MED27: variants seen among roughly 807,000 people sequenced by gnomAD.
MED27 encodes the protein mediator complex subunit 27.
Under a neutral mutation model 38.2 loss-of-function variants are expected in MED27, and 30 were observed. That is an observed-to-expected ratio of 0.79 (90% CI 0.59 to 1.07). The LOEUF (loss-of-function observed/expected upper bound fraction) is 1.07. Ranked by LOEUF, MED27 falls within the 50% of genes least tolerant of loss-of-function variation. The probability of loss-of-function intolerance (pLI) is 0.00; values close to 1 mark genes in which losing one functional copy is unlikely to be tolerated. For synonymous variants in MED27, 122 were observed against 153.5 expected (o/e 0.79, Z 1.52); for missense variants, 289 against 397.5 (o/e 0.73, Z 2.32).
At chr9:131,994,782 A>G (rs1832055211) in intron 3 of MED27, among the ~76,000 whole-genome samples, 1 of 152,190 alleles carries the variant, frequency 6.6e-6, no homozygotes, top group Admixed American at 6.5e-5. Context: ...GCCCTTTGTT[A>G]TAATATATAA....
At chr9:132,049,695 G>A (rs1294878869) in intron 2 of MED27, among the ~76,000 whole-genome samples, 1 of 152,126 alleles carries the variant, frequency 6.6e-6, no homozygotes, top group Non-Finnish European at 1.5e-5. Context: ...AGAAAGGGCT[G>A]AGAACAAAAC....
At chr9:132,041,212 G>A (rs1393756788) in intron 2 of MED27, among the ~76,000 whole-genome samples, 5 of 152,224 alleles carry the variant, frequency 3.3e-5, no homozygotes, top group East Asian at 3.8e-4. Context: ...GAGACGACAA[G>A]CTCGCTAACA....
In MED27 at chr9:131,883,799, C is replaced by T. The variant is rs1016484003; in HGVS notation, c.723+259G>A. 5.9e-5 allele frequency among the ~76,000 whole-genome samples: 9 copies of T among 152,094 alleles called. No individual in the cohort carries two copies. Among genetic ancestry groups the T allele is most frequent in the Admixed American group, 5.2e-4 (8 of 15,276 alleles). On this transcript the variant is annotated intron_variant, in intron 6 of 7. Coordinates refer to ENST00000292035, the MANE Select transcript of MED27 (RefSeq NM_004269.4). This position sits in a 1 kb window ranked among gnomAD's most constrained non-coding sequence, Gnocchi z 4.2. ...GCCACAATTAAGATAAAGAATATTC[C>T]CACCACCCCACACTCCCTTGTGCCC...
rs1831659079 is a variant in MED27 at position 131,978,502 on chromosome 9, CTT to C, written c.479+35833_479+35834del. ...GTTTTGTTTCTTGAAAGTCTTTACA[CTT>C]TATGTATCTTGAAACTTTAGAGGTC... On this transcript the variant is annotated intron_variant, in intron 3 of 7. Coordinates refer to ENST00000292035, the MANE Select transcript of MED27 (RefSeq NM_004269.4). Among the ~76,000 whole-genome samples the C allele has an allele frequency of 2.0e-5, 3 of 152,218 alleles. No homozygotes were observed. In the South Asian group the frequency reaches 6.2e-4, roughly 32 times the overall value.
At chr9:131,895,305 T>C (rs1212529491) in intron 4 of MED27, among the ~76,000 whole-genome samples, 2 of 152,204 alleles carry the variant, frequency 1.3e-5, no homozygotes, top group South Asian at 2.1e-4. Context: ...GTTGCTCTGA[T>C]GAGGTTTTGA....
chr9:131,919,861 T>G (rs1481891884), intron 4 of MED27, among the ~76,000 whole-genome samples: 1 of 149,692 alleles, frequency 6.7e-6, no homozygotes, highest in Non-Finnish European at 1.5e-5. Context: ...CAGGCTGGAG[T>G]GCAGTGGCGT....
At chr9:132,020,433 C>T (rs1255825336) in intron 2 of MED27, among the ~76,000 whole-genome samples, 1 of 152,146 alleles carries the variant, frequency 6.6e-6, no homozygotes, top group African/African-American at 2.4e-5. Context: ...TCAAGTCACA[C>T]CCCATACAGC....
intron 3 of MED27, among the ~76,000 whole-genome samples, chr9:132,001,185 C>T (rs1206766933): frequency 6.6e-6 from 1 of 152,004 alleles, no homozygotes; most frequent in East Asian, 1.9e-4. Context: ...TGACAAAAAG[C>T]AGATCACTGG....
intron 4 of MED27, among the ~76,000 whole-genome samples, chr9:131,935,573 A>G (rs553291542): frequency 1.3e-5 from 2 of 152,278 alleles, no homozygotes; most frequent in East Asian, 3.9e-4. Flanking sequence ...GCTCAGAAAC[A>G]ATATACATAG....
intron 2 of MED27, among the ~76,000 whole-genome samples, chr9:132,037,713 C>T (rs1833110719): frequency 6.6e-6 from 1 of 152,054 alleles, no homozygotes; most frequent in Admixed American, 6.6e-5. Flanking sequence ...ATGACAATGG[C>T]ATTGCAAAGA....
chr9:131,874,683 C>T (rs1301868323), intron 6 of MED27, among the ~76,000 whole-genome samples: 1 of 152,108 alleles, frequency 6.6e-6, no homozygotes, highest in African/African-American at 2.4e-5. Context: ...AGGCCCTGTG[C>T]GTAGCTGCGA....
intron 3 of MED27, among the ~76,000 whole-genome samples, chr9:132,000,041 GA>G (rs1185057309): frequency 1.3e-5 from 2 of 151,116 alleles, no homozygotes; most frequent in Admixed American, 1.3e-4. Flanking sequence ...GCCATGAAAG[GA>G]AATTCTGAAA....
chr9:131,924,555 A>T (rs1830449604), intron 4 of MED27, among the ~76,000 whole-genome samples: 1 of 152,134 alleles, frequency 6.6e-6, no homozygotes, highest in Non-Finnish European at 1.5e-5. Flanking sequence ...GTTTTTGACC[A>T]TCTGAAGGTG....
At chr9:131,868,977 G>C in intron 6 of MED27, 1 of 985,498 alleles carries the variant, frequency 1.0e-6, no homozygotes. Context: ...TCACAGGCAA[G>C]GCACCTAATT....
At chr9:131,903,356 C>T (rs1829989792) in intron 4 of MED27, among the ~76,000 whole-genome samples, 3 of 152,194 alleles carry the variant, frequency 2.0e-5, no homozygotes, top group African/African-American at 7.2e-5. Context: ...CCCCATGATT[C>T]AATCATCTTC....
rs931150333 is a variant in MED27 at position 131,997,756 on chromosome 9, C to G, written c.479+16581G>C. On this transcript the variant is annotated intron_variant, in intron 3 of 7. Transcript: ENST00000292035. This position sits in a 1 kb window ranked among gnomAD's most constrained non-coding sequence, Gnocchi z 4.0. ...CACTTCCTAGCTGGGGGCCTCCAGA[C>G]AAGGTGGGAGCTTCGGTGTTGGCCT... Among the ~76,000 whole-genome samples the G allele has an allele frequency of 2.0e-5, 3 of 152,202 alleles. No homozygotes were observed. The highest frequency in any genetic ancestry group is 7.2e-5 in the African/African-American group (3 of 41,444).
intron 2 of MED27, among the ~76,000 whole-genome samples, chr9:132,041,016 G>C (rs981075692): frequency 6.6e-6 from 1 of 152,200 alleles, no homozygotes; most frequent in Non-Finnish European, 1.5e-5. Flanking sequence ...GTGCAACACA[G>C]CAGCCCTGCT....
In MED27 at chr9:131,994,239, C is replaced by T. The variant is rs139953461; in HGVS notation, c.479+20098G>A. The stretch of plus-strand genomic sequence containing the variant: ...CAAGTCGCAATTCCCAGGAACCTAT[C>T]GATGATGCTAAATGAGAACTTATTG... On this transcript the variant is annotated intron_variant, in intron 3 of 7. Transcript: ENST00000292035. Among the ~76,000 whole-genome samples the T allele has an allele frequency of 4.9e-3, 751 of 152,194 alleles. 10 individuals carry two copies. Among genetic ancestry groups the T allele is most frequent in the African/African-American group, 0.017 (695 of 41,500 alleles).
intron 4 of MED27, among the ~76,000 whole-genome samples, chr9:131,894,830 G>T (rs1009575277): frequency 6.6e-6 from 1 of 152,072 alleles, no homozygotes; most frequent in Non-Finnish European, 1.5e-5. Flanking sequence ...GGGGCCTAGT[G>T]GGGGGTGTTT....
Sources: allele counts gnomAD v4.1 joint callset (sites outside exome capture counted in the v4.1 genomes callset), GRCh38; gene constraint gnomAD v4.1.1; non-coding constraint Gnocchi (gnomAD v3.1); transcripts MANE v1.5; gene names NCBI Gene and HGNC (gene_info 2026-07-23, HGNC 2026-07-21).